Variants in SLC71A1 observed in about 807,000 individuals in gnomAD.
SLC71A1 encodes solute carrier family 71 member 1.
the SLC71A1 span, chr1:100,062,041 T>C: frequency 2.8e-6 from 2 of 725,150 alleles, no homozygotes; most frequent in Non-Finnish European, 4.5e-6. Context: ...ACCTTTGCAT[T>C]ACAAGATTTT....
At chr1:100,082,075 T>C in the SLC71A1 span, 1 of 1,614,070 alleles carries the variant, frequency 6.2e-7, no homozygotes, top group Non-Finnish European at 8.5e-7. Flanking sequence ...TGTTGCCTTG[T>C]TTATTCCGGA....
the SLC71A1 span, among the ~76,000 whole-genome samples, chr1:100,054,530 A>C: frequency 6.6e-6 from 1 of 152,000 alleles, no homozygotes; most frequent in Non-Finnish European, 1.5e-5. Flanking sequence ...CTTTTGACAG[A>C]CCTATGGCTC....
chr1:100,077,376 A>G, the SLC71A1 span: 1 of 657,442 alleles, frequency 1.5e-6, no homozygotes, highest in Non-Finnish European at 2.7e-6. Flanking sequence ...AATCTGTCTC[A>G]TACTATGCTT....
chr1:100,052,972 C>T, the SLC71A1 span, among the ~76,000 whole-genome samples: 5 of 151,754 alleles, frequency 3.3e-5, no homozygotes, highest in East Asian at 3.9e-4. Context: ...TTAATAGAGA[C>T]GGGGTTTCAC....
the SLC71A1 span, chr1:100,058,843 A>G: frequency 1.9e-6 from 1 of 536,566 alleles, no homozygotes. Context: ...TTGTTTACTG[A>G]TTAATAACTT....
chr1:100,065,175 G>A, the SLC71A1 span, among the ~76,000 whole-genome samples: 1 of 152,154 alleles, frequency 6.6e-6, no homozygotes, highest in Non-Finnish European at 1.5e-5. Flanking sequence ...CACCTGGCCA[G>A]TAGTTTTTTT....
chr1:100,068,424 G>C, the SLC71A1 span: 10 of 1,262,732 alleles, frequency 7.9e-6, no homozygotes, highest in African/African-American at 1.3e-4. Context: ...GAATAGTTCA[G>C]TGGTTTTGAT....
At chr1:100,038,645 GCC>G in the SLC71A1 span, among the ~76,000 whole-genome samples, 1 of 152,008 alleles carries the variant, frequency 6.6e-6, no homozygotes, top group African/African-American at 2.4e-5. Context: ...CCGGCGGCCC[GCC>G]CGCCGCGCCC....
At chr1:100,063,966 C>T in the SLC71A1 span, among the ~76,000 whole-genome samples, 1 of 152,188 alleles carries the variant, frequency 6.6e-6, no homozygotes, top group Non-Finnish European at 1.5e-5. Flanking sequence ...CAAATGTCTT[C>T]AGTGACCCTC....
chr1:100,053,497 G>A, the SLC71A1 span, among the ~76,000 whole-genome samples: 1 of 152,160 alleles, frequency 6.6e-6, no homozygotes, highest in Admixed American at 6.5e-5. Context: ...TTTTAAGTCA[G>A]TATCTTTCAT....
the SLC71A1 span, chr1:100,083,164 AT>A: frequency 6.6e-6 from 1 of 152,586 alleles, no homozygotes; most frequent in East Asian, 1.9e-4. Context: ...TAAAGTGTAT[AT>A]TTTTGTGTCC....
the SLC71A1 span, chr1:100,060,156 C>A: frequency 3.0e-6 from 2 of 675,034 alleles, no homozygotes; most frequent in Non-Finnish European, 4.6e-6. Flanking sequence ...GATAAGAAGG[C>A]CTCTAAAAAT....
chr1:100,075,583 A>G, the SLC71A1 span, among the ~76,000 whole-genome samples: 20 of 152,340 alleles, frequency 1.3e-4, no homozygotes, highest in Non-Finnish European at 2.2e-4. Flanking sequence ...GATATAGTCC[A>G]CAAATAAAAT....
chr1:100,082,151 A>T, the SLC71A1 span: 1 of 1,614,168 alleles, frequency 6.2e-7, no homozygotes, highest in Non-Finnish European at 8.5e-7. Context: ...AGCCATCCTC[A>T]TAATACACAA....
the SLC71A1 span, chr1:100,082,969 TC>T: frequency 6.6e-6 from 1 of 152,528 alleles, no homozygotes; most frequent in East Asian, 1.9e-4. Flanking sequence ...GAATACATAA[TC>T]TAAAAATTAT....
chr1:100,043,296 C>T, the SLC71A1 span: 1 of 598,604 alleles, frequency 1.7e-6, no homozygotes, highest in Non-Finnish European at 2.1e-6. Flanking sequence ...TGTCTTTTAG[C>T]ATTATTTTAA....
At chr1:100,039,882 TTGC>T in the SLC71A1 span, among the ~76,000 whole-genome samples, 1 of 152,242 alleles carries the variant, frequency 6.6e-6, no homozygotes, top group Non-Finnish European at 1.5e-5. Flanking sequence ...TTTGTTTGAT[TTGC>T]TTTACAGCAG....
the SLC71A1 span, among the ~76,000 whole-genome samples, chr1:100,063,270 CA>C: frequency 9.5e-6 from 1 of 105,354 alleles, no homozygotes; most frequent in Non-Finnish European, 1.9e-5. Flanking sequence ...TGGCAAAAAA[CA>C]AAACAAAACA....
chr1:100,049,873 T>A, the SLC71A1 span: 1 of 1,131,956 alleles, frequency 8.8e-7, no homozygotes, highest in Non-Finnish European at 1.3e-6. Flanking sequence ...TACTGTTAAC[T>A]TTTTTTAACT....
Sources: gnomAD v4.1 joint callset for allele counts (sites outside exome capture counted in the v4.1 genomes callset) on GRCh38, gnomAD v4.1.1 for gene constraint, MANE v1.5 for transcripts, NCBI Gene and HGNC (gene_info 2026-07-23, HGNC 2026-07-21) for gene names.